Variants in TOPAZ1 observed in about 807,000 individuals in gnomAD.
TOPAZ1 encodes protein TOPAZ1.
In TOPAZ1, 66 loss-of-function variants were observed where a neutral mutation model predicts 172.2. The observed-to-expected ratio is 0.38, with a 90% confidence interval of 0.31 to 0.47. TOPAZ1 has a LOEUF of 0.47. Among genes scored for constraint, TOPAZ1 ranks in the 20% least tolerant of loss-of-function variants. The pLI is 0.99. For missense variants in TOPAZ1, 1,822 were observed against 1,972.4 expected (o/e 0.92, Z 1.44); for synonymous variants, 681 against 683.9 (o/e 1.00, Z 0.07).
chr3:44,298,740 G>A (rs1248966111), intron 12 of TOPAZ1, among the ~76,000 whole-genome samples: 2 of 145,672 alleles, frequency 1.4e-5, no homozygotes, highest in African/African-American at 2.5e-5. Context: ...ACCCAAACCC[G>A]ACACCTTATA....
intron 4 of TOPAZ1, among the ~76,000 whole-genome samples, chr3:44,261,561 C>T (rs1193910689): frequency 6.6e-6 from 1 of 152,086 alleles, no homozygotes; most frequent in African/African-American, 2.4e-5. Flanking sequence ...TACTATAGCC[C>T]TGTAGCGTAG....
intron 9 of TOPAZ1, among the ~76,000 whole-genome samples, chr3:44,286,905 C>T (rs889124052): frequency 3.9e-5 from 6 of 152,174 alleles, no homozygotes; most frequent in Non-Finnish European, 7.3e-5. Flanking sequence ...GTTCCACAAT[C>T]ACAAACTGAA....
At position 44,321,092 on chromosome 3, in the gene TOPAZ1, A is replaced by T; in HGVS notation, c.4372A>T (p.Asn1458Tyr). The T allele has an allele frequency of 6.4e-7, 1 of 1,550,866 alleles. No homozygotes were observed. Among genetic ancestry groups the T allele is most frequent in the Non-Finnish European group, 8.7e-7 (1 of 1,146,258 alleles). ...TAGACTGGATGTGCTTAATCGACAT[A>T]ATTTACTCTGTACAATTGCACATGA... ...CDRLDVLNRH[N>Y]LLCTIAHEIL... Residue 1458 changes from asparagine (N) to tyrosine (Y), a missense_variant, in exon 17 of 20, where the codon AAT becomes TAT. Physicochemically the swap from Asn to Tyr is moderately radical, Grantham distance 143 (BLOSUM62 -2). Coordinates refer to ENST00000309765, the MANE Select transcript of TOPAZ1 (RefSeq NM_001145030.2).
chr3:44,294,419 GA>G (rs545942613), intron 12 of TOPAZ1, among the ~76,000 whole-genome samples: 1 of 151,616 alleles, frequency 6.6e-6, no homozygotes, highest in Non-Finnish European at 1.5e-5. Context: ...CAAGGCAAAA[GA>G]AAAAAAAGTA....
chr3:44,310,058 T>C, intron 16 of TOPAZ1, 68 bp downstream of exon 16: 1 of 1,369,572 alleles, frequency 7.3e-7, no homozygotes, highest in Admixed American at 2.4e-5. Context: ...TCTATGTAAT[T>C]ACCTTAAGTT....
At chr3:44,257,418 ATATTT>A (rs1699724347) in intron 4 of TOPAZ1, among the ~76,000 whole-genome samples, 1 of 103,092 alleles carries the variant, frequency 9.7e-6, no homozygotes, top group Non-Finnish European at 1.9e-5. Flanking sequence ...TCTATTTTAT[ATATTT>A]TATATATATA....
intron 7 of TOPAZ1, 67 bp downstream of exon 7, chr3:44,269,368 C>T (rs931976452): frequency 4.6e-6 from 4 of 878,696 alleles, no homozygotes; most frequent in East Asian, 5.3e-5. Context: ...CCTTCTCCTC[C>T]CTCCTCTTCC....
chr3:44,326,418 C>T (rs781657626), intron 18 of TOPAZ1, among the ~76,000 whole-genome samples: 6 of 151,988 alleles, frequency 3.9e-5, no homozygotes, highest in Non-Finnish European at 7.4e-5. Context: ...TGTTGAGGAC[C>T]TTTTCATACA....
At chr3:44,294,485 T>C (rs73088457) in intron 12 of TOPAZ1, among the ~76,000 whole-genome samples, 53,223 of 152,058 alleles carry the variant, frequency 0.35, 10,174 homozygotes, top group African/African-American at 0.46. Flanking sequence ...CACCCTATTC[T>C]GCACTAGGCA....
At position 44,287,762 on chromosome 3, in the gene TOPAZ1, T is replaced by C. The variant is rs2125693144; in HGVS notation, c.3604T>C (p.Leu1202=). Residue 1202 remains leucine, a synonymous_variant, in exon 11 of 20, where the codon TTA becomes CTA. Transcript: ENST00000309765. ...MVKMLPSLKI[L]LNIFEYVATM... ...TTTTATCCAGCCTTCTCTGAAAATA[T>C]TACTAAACATATTTGAGTATGTGGC... 2 of 1,486,604 alleles carry C rather than the reference T, an allele frequency of 1.3e-6. No homozygotes were observed. Among genetic ancestry groups the C allele is most frequent in the Non-Finnish European group, 1.8e-6 (2 of 1,104,746 alleles). The allele number at this position is 1,486,604 out of a possible 1,614,324, so 92.1% of individuals were successfully genotyped here.
chr3:44,320,523 G>A (rs1023016503), intron 16 of TOPAZ1, among the ~76,000 whole-genome samples: 4 of 152,100 alleles, frequency 2.6e-5, no homozygotes, highest in Non-Finnish European at 4.4e-5. Context: ...ACTTGAACCC[G>A]GGAGGCGGAG....
rs1224217665 is a variant in TOPAZ1 at position 44,272,122 on chromosome 3, A to G, written c.3372+1312A>G. On this transcript the variant is annotated intron_variant, in intron 8 of 19. Transcript: ENST00000309765. ...TAGTATTTCATTGTGTATATATACC[A>G]CATTTGCTTAATCCATTCATCCATT... Among the ~76,000 whole-genome samples, 3 of 152,294 alleles carry G rather than the reference A, an allele frequency of 2.0e-5. No individual in the cohort carries two copies. The East Asian group carries it at 5.8e-4, about 29-fold the overall frequency.
rs562415910 is a variant in TOPAZ1, at chr3:44,243,000, G to A, written c.494G>A (p.Gly165Asp). 6.5e-7 allele frequency: 1 copy of A among 1,547,640 alleles called. No homozygotes were observed. Among genetic ancestry groups the A allele is most frequent in the Non-Finnish European group, 8.7e-7 (1 of 1,146,060 alleles). The change falls in exon 2 of 20, where the codon GGT becomes GAT. Residue 165 changes from glycine to aspartate, a missense_variant. Coordinates refer to ENST00000309765, the MANE Select transcript of TOPAZ1 (RefSeq NM_001145030.2). ...TTGGGTAAGGAAAGTATAATAGAAG[G>A]TATTAAAAGAAGAATTCGAAATAAA... is the stretch of plus-strand genomic sequence containing the variant. ...QSLGKESIIE[G>D]IKRRIRNKKL...
At position 44,270,691 on chromosome 3, in the gene TOPAZ1, C is replaced by G; in HGVS notation, c.3253C>G (p.Gln1085Glu). ...AATCTTTCTAATTTTCTAGGTGTTCCAGAAGTCCCTAGGGTTGATGATACC... is the reference window on the plus strand; with the variant it reads ...AATCTTTCTAATTTTCTAGGTGTTCGAGAAGTCCCTAGGGTTGATGATACC... Reference protein sequence around the residue: ...FKREKNVGVFQKSLGLMIPYK... With the variant: ...FKREKNVGVFEKSLGLMIPYK... Residue 1085 changes from glutamine to glutamate, a missense_variant, in exon 8 of 20, where the codon CAG (glutamine) becomes GAG (glutamate). Around this residue, in one of 2 missense-constraint regions of TOPAZ1, gnomAD observed 1,489 missense variants for 1,490.8 expected, o/e 1.00. Coordinates refer to ENST00000309765, the MANE Select transcript of TOPAZ1 (RefSeq NM_001145030.2). The G allele has an allele frequency of 6.5e-7, 1 of 1,538,856 alleles. No individual in the cohort carries two copies. Among genetic ancestry groups the G allele is most frequent in the Non-Finnish European group, 8.8e-7 (1 of 1,141,752 alleles).
At chr3:44,282,489 A>G (rs1295007231) in intron 9 of TOPAZ1, among the ~76,000 whole-genome samples, 1 of 152,184 alleles carries the variant, frequency 6.6e-6, no homozygotes, top group Non-Finnish European at 1.5e-5. Context: ...TCTGTCAGAG[A>G]TGCCTCTGGT....
intron 2 of TOPAZ1, among the ~76,000 whole-genome samples, chr3:44,254,073 C>T (rs1365026497): frequency 6.6e-6 from 1 of 152,176 alleles, no homozygotes; most frequent in Non-Finnish European, 1.5e-5. Flanking sequence ...CATCTTATCT[C>T]ATTTAATCCT....
At chr3:44,264,270 T>C (rs1348997852) in intron 5 of TOPAZ1, among the ~76,000 whole-genome samples, 1 of 152,224 alleles carries the variant, frequency 6.6e-6, no homozygotes, top group Non-Finnish European at 1.5e-5. Flanking sequence ...TATATACAGG[T>C]ATACCTTGGA....
chr3:44,325,638 A>G (rs368807808), intron 18 of TOPAZ1, among the ~76,000 whole-genome samples: 1 of 148,988 alleles, frequency 6.7e-6, no homozygotes. Flanking sequence ...TGTTTTAGTG[A>G]CTGGCTTTTT....
At chr3:44,282,767 T>C (rs922793180) in intron 9 of TOPAZ1, among the ~76,000 whole-genome samples, 2 of 152,056 alleles carry the variant, frequency 1.3e-5, no homozygotes, top group African/African-American at 4.8e-5. Flanking sequence ...CTGCTTGAGA[T>C]CTCATTCTGC....
Sources: gnomAD v4.1 joint callset for allele counts (sites outside exome capture counted in the v4.1 genomes callset) on GRCh38, gnomAD v4.1.1 for gene constraint, gnomAD v4.1.1 regional missense constraint, MANE v1.5 for transcripts, NCBI Gene and HGNC (gene_info 2026-07-23, HGNC 2026-07-21) for gene names.